Variants in LRRFIP1 observed in about 807,000 individuals in gnomAD.
LRRFIP1 encodes the protein leucine-rich repeat flightless-interacting protein 1.
Under a neutral mutation model 104.4 loss-of-function variants are expected in LRRFIP1, and 62 were observed. That is an observed-to-expected ratio of 0.59 (90% CI 0.48 to 0.73). LRRFIP1 has a LOEUF of 0.73. Among genes scored for constraint, LRRFIP1 ranks in the 30% least tolerant of loss-of-function variants. The probability of loss-of-function intolerance (pLI) is 0.00; values close to 1 mark genes in which losing one functional copy is unlikely to be tolerated. For missense variants in LRRFIP1, 796 were observed against 824.5 expected, an observed-to-expected ratio of 0.97 and a Z score of 0.42; for synonymous variants, 300 against 299.0, an observed-to-expected ratio of 1.00 and a Z score of -0.03.
intron 1 of LRRFIP1, among the ~76,000 whole-genome samples, chr2:237,647,914 C>T (rs1369622251): frequency 6.6e-6 from 1 of 152,076 alleles, no homozygotes; most frequent in Non-Finnish European, 1.5e-5. Context: ...GCTGCCAAGA[C>T]AGCATTTCAA....
intron 1 of LRRFIP1, among the ~76,000 whole-genome samples, chr2:237,658,630 T>A (rs13036022): frequency 0.13 from 20,446 of 152,210 alleles, 1,879 homozygotes; most frequent in Non-Finnish European, 0.21. Flanking sequence ...CTTAAAATCA[T>A]GGCAGAAGAT....
At chr2:237,772,406 A>C in intron 21 of LRRFIP1, 1 of 521,564 alleles carries the variant, frequency 1.9e-6, no homozygotes, top group South Asian at 2.8e-5. Context: ...AGGTACCCAA[A>C]AACGTGCACC....
In LRRFIP1 at chr2:237,735,600, T is replaced by C. The variant is rs906928972; in HGVS notation, c.555+267T>C. On this transcript the variant is annotated intron_variant, in intron 10 of 23. Coordinates refer to ENST00000308482, the MANE Select transcript of LRRFIP1 (RefSeq NM_001137550.2). The surrounding 1 kb of genome is among the most constrained non-coding windows in gnomAD (Gnocchi z 4.6). ...TGCTCTCTCTGCAGCACGCCAACCATACTAACAGGTGGTGAAACCGTCTTC... is the reference window on the plus strand; with the variant it reads ...TGCTCTCTCTGCAGCACGCCAACCACACTAACAGGTGGTGAAACCGTCTTC... The C allele has an allele frequency of 2.5e-6, 1 of 402,214 alleles. No homozygotes were observed. Among genetic ancestry groups the C allele is most frequent in the Non-Finnish European group, 4.5e-6 (1 of 224,540 alleles). The allele number at this position is 402,214 out of a possible 1,614,324, so 24.9% of individuals were successfully genotyped here.
intron 14 of LRRFIP1, 138 bp from the exon 15 acceptor site, chr2:237,753,171 G>T: frequency 1.7e-6 from 1 of 593,986 alleles, no homozygotes; most frequent in Non-Finnish European, 2.8e-6. Context: ...ATTGCCATGT[G>T]TTTCTTCTTC....
chr2:237,699,336 TTTTTC>T (rs2093372064), intron 1 of LRRFIP1, among the ~76,000 whole-genome samples: 1 of 151,716 alleles, frequency 6.6e-6, no homozygotes, highest in Non-Finnish European at 1.5e-5. Flanking sequence ...AAAATAGTGG[TTTTTC>T]TTTTCTTTTT....
intron 5 of LRRFIP1, among the ~76,000 whole-genome samples, chr2:237,720,158 T>C (rs1197915951): frequency 6.6e-6 from 1 of 152,028 alleles, no homozygotes; most frequent in African/African-American, 2.4e-5. Flanking sequence ...TGTTGCCCAA[T>C]CCGGTCTCGA....
chr2:237,634,049 A>G (rs980432806), intron 1 of LRRFIP1, among the ~76,000 whole-genome samples: 2 of 152,178 alleles, frequency 1.3e-5, no homozygotes, highest in African/African-American at 4.8e-5. Context: ...GTTTTTACCC[A>G]TATTCTCAGG....
intron 1 of LRRFIP1, among the ~76,000 whole-genome samples, chr2:237,667,915 G>A (rs934764534): frequency 3.3e-5 from 5 of 151,886 alleles, no homozygotes; most frequent in Admixed American, 6.6e-5. Flanking sequence ...TGAGGTTTGC[G>A]CCTTTCTCCT....
At chr2:237,668,107 C>T (rs1043492456) in intron 1 of LRRFIP1, among the ~76,000 whole-genome samples, 2 of 152,168 alleles carry the variant, frequency 1.3e-5, no homozygotes, top group Non-Finnish European at 2.9e-5. Context: ...CTCATCCCCC[C>T]ACCTCAGAGC....
At chr2:237,656,799 A>T (rs1369025531) in intron 1 of LRRFIP1, among the ~76,000 whole-genome samples, 1 of 152,238 alleles carries the variant, frequency 6.6e-6, no homozygotes, top group South Asian at 2.1e-4. Flanking sequence ...GCCTTGTGTC[A>T]GTATGTATTT....
chr2:237,680,870 A>C (rs760343408), intron 1 of LRRFIP1, among the ~76,000 whole-genome samples: 7 of 152,000 alleles, frequency 4.6e-5, no homozygotes, highest in Non-Finnish European at 1.0e-4. Flanking sequence ...GGTCCCAGCT[A>C]CTCCAGAGGC....
Position 237,739,254 on chromosome 2 carries a change from T to C in LRRFIP1, c.578T>C (p.Leu193Pro). 6.4e-7 allele frequency: 1 copy of C among 1,565,620 alleles called. No individual in the cohort carries two copies. The highest frequency in any genetic ancestry group is 8.7e-7 in the Non-Finnish European group (1 of 1,155,368). Residue 193 changes from leucine to proline, a missense_variant, in exon 11 of 24, where the codon CTC becomes CCC. Transcript: ENST00000308482. ...CAGCCCTCGGAGTACAGCGGCCACC[T>C]CAACTCCAGCTCCCGCGCCTCCTCC... Reference protein sequence around the residue: ...SRAPSEYSGHLNSSSRASSRA... With the variant: ...SRAPSEYSGHPNSSSRASSRA...
At position 237,711,925 on chromosome 2, in the gene LRRFIP1, C is replaced by T. The variant is rs1477187530; in HGVS notation, c.184-2334C>T. Among the ~76,000 whole-genome samples the T allele has an allele frequency of 4.6e-5, 7 of 152,234 alleles. No individual in the cohort carries two copies. Among genetic ancestry groups the T allele is most frequent in the Non-Finnish European group, 2.9e-5 (2 of 68,052 alleles). Reference sequence around the variant, plus strand: ...CAGCACGCGTTCCTAACGGCGGCAACGGTGCCTTCATGAATTTCGGGTCTT... The same window carrying T: ...CAGCACGCGTTCCTAACGGCGGCAATGGTGCCTTCATGAATTTCGGGTCTT... On this transcript the variant is annotated intron_variant, in intron 2 of 23. Transcript: ENST00000308482. This position sits in a 1 kb window ranked among gnomAD's most constrained non-coding sequence, Gnocchi z 4.4.
chr2:237,758,996 G>A (rs553058621), intron 18 of LRRFIP1, among the ~76,000 whole-genome samples, 175 bp downstream of exon 18: 3 of 152,274 alleles, frequency 2.0e-5, no homozygotes, highest in Non-Finnish European at 2.9e-5. Flanking sequence ...AATAAATGTA[G>A]GTTCAGTGGG....
chr2:237,776,717 T>C (rs56812458), intron 23 of LRRFIP1, among the ~76,000 whole-genome samples: 7,286 of 152,304 alleles, frequency 0.048, 185 homozygotes, highest in Middle Eastern at 0.13. Flanking sequence ...CGCATCAGCT[T>C]TCTTTTGGTT....
intron 19 of LRRFIP1, chr2:237,764,900 T>C: frequency 1.6e-5 from 16 of 985,726 alleles, no homozygotes; most frequent in Non-Finnish European, 1.9e-5. Flanking sequence ...ATTTAAAGTT[T>C]TTTTCTGGAA....
intron 11 of LRRFIP1, among the ~76,000 whole-genome samples, chr2:237,744,121 C>A (rs1334748600): frequency 6.6e-6 from 1 of 152,146 alleles, no homozygotes; most frequent in Non-Finnish European, 1.5e-5. Context: ...ATTACAAACA[C>A]CAGAGTTCAA....
chr2:237,635,638 A>G (rs2082969633), intron 1 of LRRFIP1, among the ~76,000 whole-genome samples: 1 of 152,234 alleles, frequency 6.6e-6, no homozygotes, highest in Non-Finnish European at 1.5e-5. Context: ...CTTGGGCAAC[A>G]AAGTAGGACC....
Position 237,735,465 on chromosome 2 carries a change from C to T in LRRFIP1, c.555+132C>T, listed in dbSNP as rs562604101. 17 of 731,910 alleles carry T rather than the reference C, an allele frequency of 2.3e-5. No homozygotes were observed. The highest frequency in any genetic ancestry group is 1.9e-4 in the South Asian group (10 of 52,332). The allele number at this position is 731,910 out of a possible 1,614,324, so 45.3% of individuals were successfully genotyped here. On this transcript the variant is annotated intron_variant, in intron 10 of 23. Coordinates refer to ENST00000308482, the MANE Select transcript of LRRFIP1 (RefSeq NM_001137550.2). The surrounding 1 kb of genome is among the most constrained non-coding windows in gnomAD (Gnocchi z 4.6). ...GGAAGCGCCGAGTCACCGGGCTAAC[C>T]GCCACCTTCCATTGTAATGAAGGTC...
Sources: allele counts gnomAD v4.1 joint callset (sites outside exome capture counted in the v4.1 genomes callset), GRCh38; gene constraint gnomAD v4.1.1; non-coding constraint Gnocchi (gnomAD v3.1); transcripts MANE v1.5; gene names NCBI Gene and HGNC (gene_info 2026-07-23, HGNC 2026-07-21).